Variants in TUBGCP5 observed in about 807,000 individuals in gnomAD.
TUBGCP5 encodes the protein gamma-tubulin complex component 5.
Under a neutral mutation model 134.7 loss-of-function variants are expected in TUBGCP5, and 98 were observed. The ratio of observed to expected loss-of-function variants is 0.73; its 90% confidence interval spans 0.62 to 0.86. The LOEUF (loss-of-function observed/expected upper bound fraction) is 0.86, where lower values mean the gene tolerates loss of function less well. TUBGCP5 is among the 40% of genes least tolerant of loss of function. The pLI is 0.00. For synonymous variants in TUBGCP5, 456 were observed against 431.4 expected (o/e 1.06, Z -0.71); for missense variants, 1,150 against 1,244.8 (o/e 0.92, Z 1.15).
chr15:23,027,659 G>A (rs939183085), intron 6 of TUBGCP5, among the ~76,000 whole-genome samples: 3 of 151,838 alleles, frequency 2.0e-5, no homozygotes, highest in Non-Finnish European at 4.4e-5. Context: ...CACGAGAGGG[G>A]ACTGGTTGAG....
chr15:23,003,229 A>C lies in TUBGCP5; in HGVS notation c.2839-76T>G, dbSNP rs1301036193. On this transcript the variant is annotated intron_variant, in intron 20 of 22. Transcript: ENST00000615383. ...GATACCAACACTTTTACCTATTTTA[A>C]ATGAATCACAGAAAAAGTTCATCAC... is the stretch of plus-strand genomic sequence containing the variant. 24 of 1,411,650 alleles carry C rather than the reference A, an allele frequency of 1.7e-5. 1 individual carries two copies. Among genetic ancestry groups the C allele is most frequent in the Non-Finnish European group, 2.2e-5 (22 of 1,005,248 alleles). 87.4% of individuals were successfully genotyped at this position (1,411,650 alleles called of 1,614,324 possible).
intron 14 of TUBGCP5, 47 bp from the exon 15 acceptor site, chr15:23,010,180 A>G (rs368759856): frequency 9.7e-5 from 152 of 1,567,436 alleles, no homozygotes; most frequent in Admixed American, 1.4e-4. Flanking sequence ...TGCTGTCAAC[A>G]GAACTCTCTT....
At chr15:23,026,284 T>G in intron 7 of TUBGCP5, 79 bp from the exon 8 acceptor site, 2 of 1,290,226 alleles carry the variant, frequency 1.6e-6, no homozygotes, top group Non-Finnish European at 2.2e-6. Context: ...TATCTGCAAT[T>G]TAGTGCTAAC....
chr15:23,002,582 C>A (rs866389140), intron 21 of TUBGCP5, among the ~76,000 whole-genome samples: 10 of 152,134 alleles, frequency 6.6e-5, no homozygotes, highest in Non-Finnish European at 1.2e-4. Context: ...AGAGCTCATC[C>A]AAAATACAAC....
At chr15:23,034,000 C>T (rs531377643) in intron 3 of TUBGCP5, among the ~76,000 whole-genome samples, 5 of 152,266 alleles carry the variant, frequency 3.3e-5, no homozygotes, top group African/African-American at 1.2e-4. Flanking sequence ...TTCAGCATCC[C>T]CCAAAAGGGC....
chr15:22,984,986 G>T (rs2063638376), intron 23 of TUBGCP5, among the ~76,000 whole-genome samples: 2 of 152,044 alleles, frequency 1.3e-5, no homozygotes, highest in African/African-American at 4.8e-5. Flanking sequence ...AACAGACAGA[G>T]AGTTTGTGTC....
At chr15:23,028,379 T>TAA (rs762310901) in intron 6 of TUBGCP5, among the ~76,000 whole-genome samples, 13 of 91,032 alleles carry the variant, frequency 1.4e-4, no homozygotes, top group South Asian at 7.8e-4. Context: ...GGCCCGGTCT[T>TAA]AAAAAAAAAA....
chr15:23,017,053 C>T (rs2065379949), intron 13 of TUBGCP5, among the ~76,000 whole-genome samples: 2 of 147,776 alleles, frequency 1.4e-5, no homozygotes, highest in African/African-American at 2.5e-5. Flanking sequence ...AAATGGTGGA[C>T]ATTAAGTGAA....
In TUBGCP5 at chr15:23,038,704, T is replaced by C. The variant is rs187390566; in HGVS notation, c.146+694A>G. Among the ~76,000 whole-genome samples the C allele has an allele frequency of 5.6e-3, 846 of 152,342 alleles. 6 individuals carry two copies. Among genetic ancestry groups the C allele is most frequent in the Non-Finnish European group, 6.8e-3 (463 of 68,032 alleles). The stretch of plus-strand genomic sequence containing the variant: ...CATTTTTTTAGTAATAATTTCATTA[T>C]GGGTAATGACTCTAAAAGTATTAAT... On this transcript the variant is annotated intron_variant, in intron 1 of 22. Transcript: ENST00000615383.
intron 23 of TUBGCP5, among the ~76,000 whole-genome samples, chr15:22,991,446 G>A (rs1381101388): frequency 1.3e-5 from 2 of 152,186 alleles, no homozygotes; most frequent in Non-Finnish European, 2.9e-5. Context: ...TGGTGGCTTT[G>A]CAGCATGTGG....
chr15:23,007,598 T>G (rs912710469), intron 16 of TUBGCP5, among the ~76,000 whole-genome samples: 1 of 152,044 alleles, frequency 6.6e-6, no homozygotes, highest in African/African-American at 2.4e-5. Context: ...GCCGGGCCCA[T>G]GAACTGGAGA....
At chr15:23,018,112 T>C (rs771710307) in intron 12 of TUBGCP5, 71 bp from the exon 13 acceptor site, 18 of 1,433,820 alleles carry the variant, frequency 1.3e-5, no homozygotes, top group Non-Finnish European at 1.7e-5. Context: ...TTCTAGTTTG[T>C]TGTCCAGACA....
At chr15:22,998,196 T>G (rs1296564923), downstream of TUBGCP5, among the ~76,000 whole-genome samples, 1 of 151,884 alleles carries the variant, frequency 6.6e-6, no homozygotes, top group Non-Finnish European at 1.5e-5. Flanking sequence ...ACGCCTGAGA[T>G]CCCAGCTACT....
rs1208559936 is a variant in TUBGCP5 at position 23,017,780 on chromosome 15, T to C, written c.1749A>G (p.Gly583=). 1 of 1,613,232 alleles carries C rather than the reference T, an allele frequency of 6.2e-7. No homozygotes were observed. The highest frequency in any genetic ancestry group is 8.5e-7 in the Non-Finnish European group (1 of 1,179,438). Residue 583 remains glycine (G), a synonymous_variant, in exon 13 of 23, where the codon GGA becomes GGG. Coordinates refer to ENST00000615383, the MANE Select transcript of TUBGCP5 (RefSeq NM_052903.6). ...QCAESTTCQA[G]ARDAERKSLY... The stretch of plus-strand genomic sequence containing the variant: ...GGAAGACGGAACAAGTACCTCTGGC[T>C]CCTGCCTGGCAGGTGGTGCTCTCCG...
downstream of TUBGCP5, among the ~76,000 whole-genome samples, chr15:22,994,563 C>A (rs1349191736): frequency 1.3e-5 from 2 of 152,160 alleles, no homozygotes; most frequent in African/African-American, 2.4e-5. Flanking sequence ...CCTTTCTGTG[C>A]AGTATTCCAT....
intron 3 of TUBGCP5, among the ~76,000 whole-genome samples, chr15:23,034,372 C>A (rs938144752): frequency 1.3e-5 from 2 of 152,000 alleles, no homozygotes; most frequent in Non-Finnish European, 2.9e-5. Flanking sequence ...ATTATCAGCC[C>A]GGGAATTGAA....
At chr15:23,020,584 C>CAAAA (rs542905350) in intron 11 of TUBGCP5, among the ~76,000 whole-genome samples, 27 of 76,222 alleles carry the variant, frequency 3.5e-4, no homozygotes, top group Admixed American at 5.6e-4. Context: ...GACTACGTCT[C>CAAAA]AAAAAAAAAA....
intron 23 of TUBGCP5, among the ~76,000 whole-genome samples, chr15:22,986,563 C>A (rs1470955361): frequency 3.3e-5 from 5 of 151,732 alleles, no homozygotes; most frequent in African/African-American, 1.2e-4. Context: ...ATGGCGAAAC[C>A]CCATCTCTAC....
intron 10 of TUBGCP5, chr15:23,023,327 C>T (rs2065811129): frequency 6.9e-6 from 1 of 144,538 alleles, no homozygotes; most frequent in South Asian, 2.2e-4. Context: ...GAGACTCCGT[C>T]TCAAATGAAA....
Sources: allele counts gnomAD v4.1 joint callset (sites outside exome capture counted in the v4.1 genomes callset), GRCh38; gene constraint gnomAD v4.1.1; transcripts MANE v1.5; gene names NCBI Gene and HGNC (gene_info 2026-07-23, HGNC 2026-07-21).